The following HMCN1 variants were observed in gnomAD, a reference collection of about 807,000 sequenced individuals.
The protein encoded by HMCN1 is hemicentin-1.
A neutral mutation model predicts 625.9 loss-of-function variants in HMCN1; 321 were observed. That is an observed-to-expected ratio of 0.51 (90% CI 0.47 to 0.56). The LOEUF is 0.56. Among genes scored for constraint, HMCN1 ranks in the 20% least tolerant of loss-of-function variants. HMCN1 has a pLI of 0.00. For missense variants in HMCN1, 6,588 were observed against 6,887.3 expected, an observed-to-expected ratio of 0.96 and a Z score of 1.54; for synonymous variants, 2,425 against 2,417.6, an observed-to-expected ratio of 1.00 and a Z score of -0.09.
chr1:186,190,095 T>G lies in HMCN1; in HGVS notation c.*217T>G. 1 of 592,518 alleles carries G rather than the reference T, an allele frequency of 1.7e-6. No individual in the cohort carries two copies. The highest frequency in any genetic ancestry group is 2.9e-5 in the East Asian group (1 of 34,834). The allele number at this position is 592,518 out of a possible 1,614,324, so 36.7% of individuals were successfully genotyped here. ...TGGTCTAGAAAAGTCCCTTATTATT[T>G]TATTTATTACACTGGAGCAGTTACT... On this transcript the variant is annotated 3_prime_UTR_variant, in exon 107 of 107. Coordinates refer to ENST00000271588, the MANE Select transcript of HMCN1 (RefSeq NM_031935.3).
At chr1:186,007,726 T>C (rs1340743526) in intron 30 of HMCN1, among the ~76,000 whole-genome samples, 1 of 152,180 alleles carries the variant, frequency 6.6e-6, no homozygotes, top group African/African-American at 2.4e-5. Flanking sequence ...AAATGCCTTA[T>C]GTGTTTGTGC....
chr1:185,960,304 T>C (rs1245418928), intron 11 of HMCN1, among the ~76,000 whole-genome samples: 1 of 151,988 alleles, frequency 6.6e-6, no homozygotes, highest in Non-Finnish European at 1.5e-5. Flanking sequence ...AATTTTTGTA[T>C]TTTTGGTAGA....
At chr1:185,920,691 G>C (rs2102472122) in intron 6 of HMCN1, among the ~76,000 whole-genome samples, 1 of 151,808 alleles carries the variant, frequency 6.6e-6, no homozygotes, top group African/African-American at 2.4e-5. Context: ...TTTTCACTCA[G>C]CTATTAAGTA....
intron 1 of HMCN1, among the ~76,000 whole-genome samples, chr1:185,818,277 C>G (rs1659967167): frequency 6.6e-6 from 1 of 152,178 alleles, no homozygotes; most frequent in Admixed American, 6.5e-5. Flanking sequence ...GTGGGCTTAT[C>G]ACATAACACT....
At chr1:185,784,927 T>C (rs907628749) in intron 1 of HMCN1, among the ~76,000 whole-genome samples, 2 of 152,356 alleles carry the variant, frequency 1.3e-5, no homozygotes, top group South Asian at 4.1e-4. Flanking sequence ...CTGTCGTGGA[T>C]ACATTTTGCA....
At chr1:186,074,400 TTA>T (rs1222438770) in intron 52 of HMCN1, among the ~76,000 whole-genome samples, 3 of 151,868 alleles carry the variant, frequency 2.0e-5, no homozygotes, top group East Asian at 1.9e-4. Context: ...TTTTTAAATA[TTA>T]TATGAGATCA....
chr1:185,972,584 G>A (rs1337455469), intron 15 of HMCN1, among the ~76,000 whole-genome samples: 1 of 152,092 alleles, frequency 6.6e-6, no homozygotes, highest in African/African-American at 2.4e-5. Flanking sequence ...ATCAACATAA[G>A]CCAAATTATT....
chr1:185,757,746 A>C (rs1348987845), intron 1 of HMCN1, among the ~76,000 whole-genome samples: 1 of 152,156 alleles, frequency 6.6e-6, no homozygotes, highest in African/African-American at 2.4e-5. Flanking sequence ...ACATGGGAAA[A>C]TGCCAAAATA....
chr1:186,136,741 G>A lies in HMCN1; in HGVS notation c.13386G>A (p.Gln4462=), dbSNP rs770002816. ...GTGGCAAAATCATATTGAATTGTCA[G>A]GCAACTGGAGAGCCTCAACCAACCA... is the stretch of plus-strand genomic sequence containing the variant. ...NAGGKIILNC[Q]ATGEPQPTIT... Residue 4462 remains glutamine (Q), a synonymous_variant, in exon 87 of 107, where the codon CAG becomes CAA. Transcript: ENST00000271588. 5.0e-6 allele frequency: 8 copies of A among 1,613,970 alleles called. No homozygotes were observed. In the South Asian group the frequency reaches 5.5e-5, roughly 11 times the overall value.
intron 39 of HMCN1, among the ~76,000 whole-genome samples, chr1:186,040,776 A>G (rs1037404912): frequency 2.0e-5 from 3 of 152,164 alleles, no homozygotes; most frequent in Non-Finnish European, 1.5e-5. Flanking sequence ...TTGATGCTGT[A>G]TGTAAAGACT....
chr1:186,054,695 G>A (rs1014710822), intron 44 of HMCN1, among the ~76,000 whole-genome samples: 1 of 152,030 alleles, frequency 6.6e-6, no homozygotes, highest in Non-Finnish European at 1.5e-5. Context: ...GCAGAGGTTA[G>A]CATTGGTCAC....
At chr1:186,076,732 G>A (rs1388055488) in intron 54 of HMCN1, 110 bp downstream of exon 54, 1 of 1,045,248 alleles carries the variant, frequency 9.6e-7, no homozygotes, top group South Asian at 1.3e-5. Flanking sequence ...AATTTAACTG[G>A]CAGTTAGACT....
intron 2 of HMCN1, among the ~76,000 whole-genome samples, chr1:185,850,411 T>C (rs1054446493): frequency 1.2e-4 from 18 of 152,170 alleles, no homozygotes; most frequent in African/African-American, 4.1e-4. Context: ...TACACTCTTA[T>C]ATTCTTGAAA....
At chr1:185,767,471 A>G (rs185001394) in intron 1 of HMCN1, among the ~76,000 whole-genome samples, 68 of 152,328 alleles carry the variant, frequency 4.5e-4, no homozygotes, top group African/African-American at 1.4e-3. Context: ...AGATAAGACA[A>G]TAGTGACAAT....
intron 11 of HMCN1, among the ~76,000 whole-genome samples, chr1:185,949,722 A>G (rs1668541776): frequency 6.6e-6 from 1 of 151,910 alleles, no homozygotes; most frequent in African/African-American, 2.4e-5. Context: ...CCTGTAGGAA[A>G]GGCCTCTACC....
At chr1:185,771,421 A>G (rs756185940) in intron 1 of HMCN1, among the ~76,000 whole-genome samples, 2 of 152,208 alleles carry the variant, frequency 1.3e-5, no homozygotes, top group Non-Finnish European at 2.9e-5. Flanking sequence ...CTAGGAATGC[A>G]CATATGTAAC....
At chr1:186,152,299 GGGCTTGAGGAC>G (rs1222729847) in intron 95 of HMCN1, among the ~76,000 whole-genome samples, 1 of 152,156 alleles carries the variant, frequency 6.6e-6, no homozygotes, top group Non-Finnish European at 1.5e-5. Flanking sequence ...TAAGGAAGAG[GGGCTTGAGGAC>G]GGCTTATCTT....
At chr1:185,902,238 TA>T (rs755209427) in intron 4 of HMCN1, among the ~76,000 whole-genome samples, 48 of 151,360 alleles carry the variant, frequency 3.2e-4, no homozygotes, top group Non-Finnish European at 5.9e-4. Flanking sequence ...TTTTTTTATA[TA>T]AATTTTTTTT....
intron 18 of HMCN1, among the ~76,000 whole-genome samples, chr1:185,982,873 C>A (rs1651747947): frequency 6.6e-6 from 1 of 151,826 alleles, no homozygotes; most frequent in Non-Finnish European, 1.5e-5. Flanking sequence ...TTTTGTTATT[C>A]ATATTATTTT....
Sources: gnomAD v4.1 joint callset for allele counts (sites outside exome capture counted in the v4.1 genomes callset) on GRCh38, gnomAD v4.1.1 for gene constraint, MANE v1.5 for transcripts, NCBI Gene and HGNC (gene_info 2026-07-23, HGNC 2026-07-21) for gene names.